The following CCNC variants were observed in gnomAD, a reference collection of about 807,000 sequenced individuals.
CCNC encodes cyclin-C.
Under a neutral mutation model 50.0 loss-of-function variants are expected in CCNC, and 19 were observed. The observed-to-expected ratio is 0.38, with a 90% CI of 0.27 to 0.56. The LOEUF (loss-of-function observed/expected upper bound fraction) is 0.56. Among genes scored for constraint, CCNC ranks in the 20% least tolerant of loss-of-function variants. The pLI, the probability that CCNC is intolerant of heterozygous loss-of-function variation, is 0.72. For synonymous variants in CCNC, 93 were observed against 103.7 expected (o/e 0.90, Z 0.63); for missense variants, 200 against 327.1 (o/e 0.61, Z 3.00).
chr6:99,564,432 A>T (rs1769029737), intron 1 of CCNC, among the ~76,000 whole-genome samples: 1 of 151,904 alleles, frequency 6.6e-6, no homozygotes, highest in Admixed American at 6.6e-5. Flanking sequence ...CAAAAAAAAA[A>T]AAAAAAAAAA....
chr6:99,566,155 C>G (rs757603107), intron 1 of CCNC, among the ~76,000 whole-genome samples: 29 of 151,870 alleles, frequency 1.9e-4, no homozygotes, highest in Non-Finnish European at 3.8e-4. Flanking sequence ...TGTATCATTC[C>G]TTTTTCCCCT....
intron 11 of CCNC, 78 bp downstream of exon 11, chr6:99,545,034 A>T (rs1442381565): frequency 1.4e-6 from 1 of 700,960 alleles, no homozygotes; most frequent in African/African-American, 1.8e-5. Flanking sequence ...AAAAACTACA[A>T]AACAACATAA....
chr6:99,556,633 CAT>C (rs1424375441), intron 5 of CCNC, among the ~76,000 whole-genome samples: 1 of 152,188 alleles, frequency 6.6e-6, no homozygotes, highest in Non-Finnish European at 1.5e-5. Context: ...GCATTACCCT[CAT>C]GTGTAAAAAT....
At chr6:99,545,272 G>A in intron 10 of CCNC, 42 bp from the exon 11 acceptor site, 1 of 1,022,826 alleles carries the variant, frequency 9.8e-7, no homozygotes, top group Non-Finnish European at 1.5e-6. Flanking sequence ...GCAAAAACAA[G>A]CAACATTTTT....
At chr6:99,557,934 T>C (rs1031665423) in intron 5 of CCNC, 3 of 152,550 alleles carry the variant, frequency 2.0e-5, no homozygotes, top group Non-Finnish European at 4.4e-5. Context: ...CATGTAAGAA[T>C]AGCCAGACAC....
At chr6:99,560,500 G>A (rs919677017) in intron 4 of CCNC, among the ~76,000 whole-genome samples, 1 of 152,012 alleles carries the variant, frequency 6.6e-6, no homozygotes, top group African/African-American at 2.4e-5. Context: ...AAACTTACTA[G>A]GTAAAAATCA....
intron 11 of CCNC, 93 bp from the exon 12 acceptor site, chr6:99,543,702 G>A (rs80193919): frequency 0.071 from 111,107 of 1,559,260 alleles, 4,498 homozygotes; most frequent in Non-Finnish European, 0.083. Context: ...TCATTATTCT[G>A]TGGCACAACT....
intron 1 of CCNC, 125 bp downstream of exon 1, chr6:99,568,371 C>A: frequency 1.1e-6 from 1 of 888,976 alleles, no homozygotes; most frequent in Non-Finnish European, 1.8e-6. Context: ...CTGACCGCTG[C>A]GGTCTCCCGT....
chr6:99,542,845 T>G lies in CCNC; in HGVS notation c.*710A>C, dbSNP rs1489295366. On this transcript the variant is annotated 3_prime_UTR_variant, in exon 12 of 12. Coordinates refer to ENST00000520429, the MANE Select transcript of CCNC (RefSeq NM_005190.4). ...CAATTAAGCTTTCAAAATGCCTGAT[T>G]AGCTGTGAATTAATTATAAATAACT... is the stretch of plus-strand genomic sequence containing the variant. The G allele has an allele frequency of 1.3e-5, 2 of 152,592 alleles. No individual in the cohort carries two copies. Among genetic ancestry groups the G allele is most frequent in the African/African-American group, 4.8e-5 (2 of 41,460 alleles). 9.5% of individuals were successfully genotyped at this position (152,592 alleles called of 1,614,324 possible). A position where few individuals can be genotyped will look rare whatever the true frequency, so the allele number is the denominator to read the frequency against.
rs377192111 is a variant in CCNC at position 99,561,555 on chromosome 6, A to G, written c.224+42T>C. 5 of 1,424,134 alleles carry G rather than the reference A, an allele frequency of 3.5e-6. No individual in the cohort carries two copies. The African/African-American group carries it at 7.1e-5, about 20-fold the overall frequency. 88.2% of individuals were successfully genotyped at this position (1,424,134 alleles called of 1,614,324 possible). A position where few individuals can be genotyped will look rare whatever the true frequency, so the allele number is the denominator to read the frequency against. ...TTACACTGTGCTAAGGTTCATCAACATTAGATAAGAGTTCAAATAAATAAA... is the reference window on the plus strand; with the variant it reads ...TTACACTGTGCTAAGGTTCATCAACGTTAGATAAGAGTTCAAATAAATAAA... On this transcript the variant is annotated intron_variant, in intron 3 of 11. Coordinates refer to ENST00000520429, the MANE Select transcript of CCNC (RefSeq NM_005190.4).
intron 9 of CCNC, among the ~76,000 whole-genome samples, chr6:99,548,669 G>C (rs1185333227): frequency 6.6e-6 from 1 of 152,010 alleles, no homozygotes; most frequent in Non-Finnish European, 1.5e-5. Context: ...ACAAAAATTA[G>C]CCAGGTATGG....
At chr6:99,548,732 G>T (rs1802171004) in intron 9 of CCNC, among the ~76,000 whole-genome samples, 1 of 150,740 alleles carries the variant, frequency 6.6e-6, no homozygotes, top group South Asian at 2.1e-4. Context: ...GAACCCAGGA[G>T]GCAGAGGTTG....
chr6:99,545,527 G>C (rs1038318439), intron 10 of CCNC, among the ~76,000 whole-genome samples: 1 of 152,100 alleles, frequency 6.6e-6, no homozygotes, highest in African/African-American at 2.4e-5. Context: ...AATCATGAGG[G>C]AATATACCAC....
At chr6:99,563,354 G>C (rs1035891861) in intron 1 of CCNC, among the ~76,000 whole-genome samples, 3 of 152,148 alleles carry the variant, frequency 2.0e-5, no homozygotes, top group Admixed American at 1.3e-4. Flanking sequence ...TAGTTTTCCA[G>C]CTGTTCATGG....
intron 8 of CCNC, 70 bp from the exon 9 acceptor site, chr6:99,549,645 G>A (rs2114276910): frequency 2.0e-6 from 2 of 977,404 alleles, no homozygotes; most frequent in Non-Finnish European, 1.6e-6. Context: ...TTCCTCCAGA[G>A]AGGGCCAGAT....
At chr6:99,558,594 G>T (rs769861045) in intron 4 of CCNC, 46 bp from the exon 5 acceptor site, 99 of 1,522,906 alleles carry the variant, frequency 6.5e-5, no homozygotes, top group Non-Finnish European at 8.6e-5. Flanking sequence ...GAATCTAAGG[G>T]TATCTGAACT....
chr6:99,543,310 G>A lies in CCNC; in HGVS notation c.*245C>T. On this transcript the variant is annotated 3_prime_UTR_variant, in exon 12 of 12. Transcript: ENST00000520429. Reference sequence around the variant, plus strand: ...AATCAAAAGCTATTAATTTTGAAATGTCTATGTATGTCTGTCTGTAGGTCC... The same window carrying A: ...AATCAAAAGCTATTAATTTTGAAATATCTATGTATGTCTGTCTGTAGGTCC... 1 of 364,926 alleles carries A rather than the reference G, an allele frequency of 2.7e-6. No homozygotes were observed. The highest frequency in any genetic ancestry group is 4.9e-6 in the Non-Finnish European group (1 of 203,484). The allele number at this position is 364,926 out of a possible 1,614,324, so 22.6% of individuals were successfully genotyped here.
chr6:99,565,120 C>T (rs1304110659), intron 1 of CCNC, among the ~76,000 whole-genome samples: 1 of 151,946 alleles, frequency 6.6e-6, no homozygotes, highest in Non-Finnish European at 1.5e-5. Flanking sequence ...AAAATACTCC[C>T]TTCTATTCTT....
intron 5 of CCNC, among the ~76,000 whole-genome samples, chr6:99,552,329 A>G (rs971058793): frequency 1.3e-5 from 2 of 152,194 alleles, no homozygotes; most frequent in African/African-American, 4.8e-5. Flanking sequence ...CACCAAAAAA[A>G]TGTTAACAGT....
Sources: gnomAD v4.1 joint callset for allele counts (sites outside exome capture counted in the v4.1 genomes callset) on GRCh38, gnomAD v4.1.1 for gene constraint, MANE v1.5 for transcripts, NCBI Gene and HGNC (gene_info 2026-07-23, HGNC 2026-07-21) for gene names.